Variants in PDE8A observed in about 807,000 individuals in gnomAD.
The protein encoded by PDE8A is high affinity cAMP-specific and IBMX-insensitive 3',5'-cyclic phosphodiesterase 8A.
A neutral mutation model predicts 105.0 loss-of-function variants in PDE8A; 59 were observed. The observed-to-expected ratio is 0.56, with a 90% confidence interval of 0.46 to 0.70. The LOEUF is 0.70. PDE8A is among the 30% of genes least tolerant of loss of function. PDE8A has a pLI of 0.00. For synonymous variants in PDE8A, 355 were observed against 371.9 expected (o/e 0.95, Z 0.52); for missense variants, 1,014 against 1,045.9 (o/e 0.97, Z 0.42).
chr15:85,032,829 T>C (rs958574757), intron 1 of PDE8A, among the ~76,000 whole-genome samples: 8 of 152,152 alleles, frequency 5.3e-5, no homozygotes, highest in Non-Finnish European at 1.2e-4. Flanking sequence ...GTAATGAGAT[T>C]TCGGGTAATC....
chr15:85,053,235 A>G (rs1224614249), intron 1 of PDE8A, among the ~76,000 whole-genome samples: 2 of 152,188 alleles, frequency 1.3e-5, no homozygotes, highest in Admixed American at 6.5e-5. Context: ...CTTGCAGTAT[A>G]GTTTGAAGTC....
chr15:85,112,957 T>C (rs928821395), intron 12 of PDE8A, among the ~76,000 whole-genome samples: 2 of 152,208 alleles, frequency 1.3e-5, no homozygotes, highest in Admixed American at 6.5e-5. Flanking sequence ...TTTCAGTTAT[T>C]GGTGAGTTGA....
At chr15:85,113,258 C>T in intron 12 of PDE8A, 119 bp from the exon 13 acceptor site, 1 of 830,970 alleles carries the variant, frequency 1.2e-6, no homozygotes, top group East Asian at 2.4e-5. Flanking sequence ...GAAGGAAGCT[C>T]AGCAAACTCA....
intron 1 of PDE8A, among the ~76,000 whole-genome samples, chr15:85,003,462 C>A (rs1285293697): frequency 1.3e-5 from 2 of 152,196 alleles, no homozygotes; most frequent in African/African-American, 4.8e-5. Context: ...CAACAACTTT[C>A]ACAGAACAGG....
At chr15:85,130,309 T>C (rs567532570) in intron 20 of PDE8A, among the ~76,000 whole-genome samples, 1 of 152,284 alleles carries the variant, frequency 6.6e-6, no homozygotes, top group Admixed American at 6.5e-5. Context: ...CAACATGTGA[T>C]TTGGAGGGGA....
At chr15:85,003,420 C>T (rs2080096617) in intron 1 of PDE8A, among the ~76,000 whole-genome samples, 1 of 152,134 alleles carries the variant, frequency 6.6e-6, no homozygotes, top group South Asian at 2.1e-4. Flanking sequence ...ACCTGCCCAC[C>T]CCAGCAGCCA....
chr15:85,024,018 C>CAAA (rs3042742), intron 1 of PDE8A, among the ~76,000 whole-genome samples: 83,620 of 150,698 alleles, frequency 0.55, 23,143 homozygotes, highest in Non-Finnish European at 0.58. Flanking sequence ...CTCAGATTTC[C>CAAA]AAAAAAAAGT....
intron 3 of PDE8A, among the ~76,000 whole-genome samples, chr15:85,071,327 T>A (rs1019053778): frequency 1.3e-5 from 2 of 152,208 alleles, no homozygotes; most frequent in Admixed American, 6.5e-5. Flanking sequence ...GCAGCAAGGC[T>A]TTATGAGCTG....
intron 7 of PDE8A, chr15:85,090,795 G>A: frequency 1.8e-6 from 1 of 544,946 alleles, no homozygotes; most frequent in Non-Finnish European, 3.5e-6. Context: ...TGGGCCTGCT[G>A]CCCTCCTGGA....
chr15:85,135,859 CTCT>C (rs1044129945), intron 20 of PDE8A, among the ~76,000 whole-genome samples: 5 of 151,984 alleles, frequency 3.3e-5, no homozygotes, highest in African/African-American at 1.2e-4. Context: ...ATACTCAGAG[CTCT>C]TTTTTTTTTT....
intron 3 of PDE8A, among the ~76,000 whole-genome samples, chr15:85,070,013 G>T (rs1490193908): frequency 6.6e-6 from 1 of 152,058 alleles, no homozygotes; most frequent in African/African-American, 2.4e-5. Flanking sequence ...CGCCCACTTT[G>T]GACTGTTCAA....
chr15:84,992,517 A>C (rs954837888), intron 1 of PDE8A, among the ~76,000 whole-genome samples: 1 of 152,190 alleles, frequency 6.6e-6, no homozygotes, highest in African/African-American at 2.4e-5. Flanking sequence ...CGGGGTAGTC[A>C]AAGGATAAAC....
chr15:85,002,954 T>A (rs1013384797), intron 1 of PDE8A, among the ~76,000 whole-genome samples: 1 of 152,230 alleles, frequency 6.6e-6, no homozygotes, highest in Non-Finnish European at 1.5e-5. Context: ...AAATATGTAT[T>A]TCTTATTATA....
At chr15:84,986,840 C>G (rs7163965) in intron 1 of PDE8A, among the ~76,000 whole-genome samples, 1 of 151,772 alleles carries the variant, frequency 6.6e-6, no homozygotes, top group Non-Finnish European at 1.5e-5. Context: ...GCTCAAACTC[C>G]TGGGCTCCTG....
At chr15:85,110,183 AC>A (rs2082001440) in intron 12 of PDE8A, among the ~76,000 whole-genome samples, 1 of 152,028 alleles carries the variant, frequency 6.6e-6, no homozygotes, top group Admixed American at 6.5e-5. Context: ...ACAGTCCCAG[AC>A]CCTCTGCAGT....
At chr15:85,052,791 G>A (rs1380238926) in intron 1 of PDE8A, among the ~76,000 whole-genome samples, 3 of 152,058 alleles carry the variant, frequency 2.0e-5, no homozygotes, top group African/African-American at 7.2e-5. Context: ...CACTCTGATG[G>A]TAGTTTCTTT....
intron 1 of PDE8A, among the ~76,000 whole-genome samples, chr15:85,037,422 C>G (rs959347785): frequency 2.2e-4 from 33 of 152,080 alleles, no homozygotes; most frequent in African/African-American, 8.0e-4. Context: ...ATTCCAGGAC[C>G]CCATGAGATG....
intron 12 of PDE8A, among the ~76,000 whole-genome samples, chr15:85,109,935 G>C (rs950539332): frequency 3.3e-5 from 5 of 152,218 alleles, no homozygotes; most frequent in Admixed American, 1.3e-4. Context: ...GTTATGGGAA[G>C]ACTGTAAGCT....
intron 7 of PDE8A, 55 bp downstream of exon 7, chr15:85,089,471 T>G: frequency 9.8e-7 from 1 of 1,020,938 alleles, no homozygotes; most frequent in Admixed American, 2.0e-5. Flanking sequence ...TTTTTCCAAC[T>G]TTTAGGATTG....
Sources: allele counts gnomAD v4.1 joint callset (sites outside exome capture counted in the v4.1 genomes callset), GRCh38; gene constraint gnomAD v4.1.1; transcripts MANE v1.5; gene names NCBI Gene and HGNC (gene_info 2026-07-23, HGNC 2026-07-21).